ERC2: variants seen among roughly 807,000 people sequenced by gnomAD.
ERC2 encodes the protein ERC protein 2.
ERC2 carries 42 observed loss-of-function variants against 114.8 expected under a neutral mutation model. The ratio of observed to expected loss-of-function variants is 0.37; its 90% CI spans 0.29 to 0.47. The LOEUF is 0.47. Among genes scored for constraint, ERC2 ranks in the 20% least tolerant of loss-of-function variants. ERC2 has a pLI of 0.99. For synonymous variants in ERC2, 454 were observed against 425.5 expected (o/e 1.07, Z -0.82); for missense variants, 939 against 1,150.7 (o/e 0.82, Z 2.66).
At chr3:56,440,508 A>G (rs2062244871) in intron 1 of ERC2, among the ~76,000 whole-genome samples, 1 of 150,436 alleles carries the variant, frequency 6.6e-6, no homozygotes, top group South Asian at 2.1e-4. Context: ...AGATCACGCC[A>G]CTGAACTCCA....
chr3:56,446,615 TTTTTTTTTTCTTTC>T (rs1035958486), intron 1 of ERC2, among the ~76,000 whole-genome samples: 4 of 134,120 alleles, frequency 3.0e-5, no homozygotes, highest in East Asian at 2.3e-4. Context: ...TTTCTTCTTT[TTTTTTTTTTCTTTC>T]TTTTTTTTTT....
At chr3:55,773,828 T>C (rs1180737207) in intron 14 of ERC2, among the ~76,000 whole-genome samples, 4 of 152,234 alleles carry the variant, frequency 2.6e-5, no homozygotes, top group African/African-American at 7.2e-5. Flanking sequence ...ACTGTAAGTA[T>C]ATTTTTTGGT....
At chr3:56,369,132 G>A (rs532543131) in intron 2 of ERC2, among the ~76,000 whole-genome samples, 3 of 152,278 alleles carry the variant, frequency 2.0e-5, no homozygotes, top group East Asian at 1.9e-4. Flanking sequence ...CCACCTCCAC[G>A]TGATCATTCT....
At chr3:55,556,323 T>G (rs2055602155) in intron 17 of ERC2, among the ~76,000 whole-genome samples, 1 of 152,238 alleles carries the variant, frequency 6.6e-6, no homozygotes, top group Middle Eastern at 3.4e-3. Flanking sequence ...AGCAAAGAGC[T>G]ACAGCCTCTC....
intron 14 of ERC2, among the ~76,000 whole-genome samples, chr3:55,865,894 A>G (rs2062288865): frequency 6.6e-6 from 1 of 152,170 alleles, no homozygotes; most frequent in African/African-American, 2.4e-5. Context: ...TTTGGCTATT[A>G]TACATAATGC....
At chr3:55,781,741 C>T (rs562088060) in intron 14 of ERC2, among the ~76,000 whole-genome samples, 15 of 151,606 alleles carry the variant, frequency 9.9e-5, no homozygotes, top group Admixed American at 5.9e-4. Flanking sequence ...GTGATGTGGC[C>T]GGCGCCTGTA....
At chr3:55,985,276 C>T (rs555154771) in intron 12 of ERC2, among the ~76,000 whole-genome samples, 46 of 152,118 alleles carry the variant, frequency 3.0e-4, no homozygotes, top group Admixed American at 2.9e-3. Context: ...TCAGACAAAA[C>T]GCCCATTTCA....
At chr3:55,940,481 C>T (rs961848978) in intron 13 of ERC2, among the ~76,000 whole-genome samples, 10 of 152,096 alleles carry the variant, frequency 6.6e-5, no homozygotes, top group African/African-American at 2.4e-4. Context: ...GCTGCAGCCA[C>T]AACTTCATTG....
chr3:56,086,428 G>A (rs187806820), intron 6 of ERC2, among the ~76,000 whole-genome samples: 6 of 151,772 alleles, frequency 4.0e-5, no homozygotes, highest in South Asian at 4.2e-4. Context: ...AATTTGGGTC[G>A]TGCCTTTCAA....
At chr3:55,872,136 T>A (rs2062614456) in intron 14 of ERC2, among the ~76,000 whole-genome samples, 1 of 152,158 alleles carries the variant, frequency 6.6e-6, no homozygotes, top group South Asian at 2.1e-4. Flanking sequence ...ATAATTGACA[T>A]TTTAAAAATT....
intron 17 of ERC2, among the ~76,000 whole-genome samples, chr3:55,649,739 C>T (rs979060370): frequency 6.6e-6 from 1 of 152,136 alleles, no homozygotes; most frequent in African/African-American, 2.4e-5. Context: ...CTCATTTCCC[C>T]ATGGAGCCAG....
At chr3:55,948,689 T>C (rs1044186737) in intron 13 of ERC2, among the ~76,000 whole-genome samples, 3 of 152,204 alleles carry the variant, frequency 2.0e-5, no homozygotes. Flanking sequence ...TATGAAAATA[T>C]TGCTATACAA....
At chr3:55,753,781 C>G (rs554588507) in intron 14 of ERC2, among the ~76,000 whole-genome samples, 4 of 152,292 alleles carry the variant, frequency 2.6e-5, no homozygotes, top group African/African-American at 9.6e-5. Context: ...AAGAGAATGG[C>G]TGCTTCTAAA....
intron 14 of ERC2, among the ~76,000 whole-genome samples, chr3:55,853,997 C>T (rs998698466): frequency 6.6e-6 from 1 of 152,114 alleles, no homozygotes; most frequent in Non-Finnish European, 1.5e-5. Context: ...GAAGCAGGCC[C>T]AGCGCGGCGG....
chr3:55,793,825 G>C (rs1289243154), intron 14 of ERC2, among the ~76,000 whole-genome samples: 1 of 152,158 alleles, frequency 6.6e-6, no homozygotes, highest in Non-Finnish European at 1.5e-5. Flanking sequence ...AGAAAAACTT[G>C]AATGGTAGCT....
At chr3:55,809,593 C>G (rs9840522) in intron 14 of ERC2, among the ~76,000 whole-genome samples, 47,783 of 151,936 alleles carry the variant, frequency 0.31, 8,853 homozygotes, top group African/African-American at 0.51. Flanking sequence ...CTCCGTAAAA[C>G]AATAAGAAAT....
chr3:55,920,981 A>G (rs2065394023), intron 13 of ERC2, among the ~76,000 whole-genome samples: 1 of 152,150 alleles, frequency 6.6e-6, no homozygotes, highest in African/African-American at 2.4e-5. Flanking sequence ...GCTAAGTTTG[A>G]TGGCAGAGAC....
chr3:55,844,281 T>C (rs1396192508), intron 14 of ERC2, among the ~76,000 whole-genome samples: 1 of 152,114 alleles, frequency 6.6e-6, no homozygotes, highest in Non-Finnish European at 1.5e-5. Context: ...ACACTATTCA[T>C]AATAGTCCCC....
intron 13 of ERC2, among the ~76,000 whole-genome samples, chr3:55,924,745 T>A (rs2065650730): frequency 1.3e-5 from 2 of 152,148 alleles, no homozygotes; most frequent in South Asian, 4.1e-4. Context: ...TTTCTCCTAG[T>A]GGGAACCTGA....
Sources: gnomAD v4.1 joint callset for allele counts (sites outside exome capture counted in the v4.1 genomes callset) on GRCh38, gnomAD v4.1.1 for gene constraint, MANE v1.5 for transcripts, NCBI Gene and HGNC (gene_info 2026-07-23, HGNC 2026-07-21) for gene names.